Variants in NRG1 observed in about 807,000 individuals in gnomAD.
NRG1 encodes pro-neuregulin-1, membrane-bound isoform.
Under a neutral mutation model 63.8 loss-of-function variants are expected in NRG1, and 18 were observed. The ratio of observed to expected loss-of-function variants is 0.28; its 90% CI spans 0.19 to 0.42. The LOEUF (loss-of-function observed/expected upper bound fraction) is 0.42. Ranked by LOEUF, NRG1 falls within the 10% of genes least tolerant of loss-of-function variation. The pLI, the probability that NRG1 is intolerant of heterozygous loss-of-function variation, is 1.00. For missense variants in NRG1, 762 were observed against 814.7 expected (o/e 0.94, Z 0.79); for synonymous variants, 302 against 301.3 (o/e 1.00, Z -0.02).
chr8:32,130,595 T>C (rs576292598), intron 1 of NRG1, among the ~76,000 whole-genome samples: 2 of 151,932 alleles, frequency 1.3e-5, no homozygotes, highest in Non-Finnish European at 2.9e-5. Flanking sequence ...ATAAATTATC[T>C]TTCAGATTGG....
intron 1 of NRG1, among the ~76,000 whole-genome samples, chr8:31,958,025 G>A (rs1475840553): frequency 1.4e-5 from 2 of 143,748 alleles, no homozygotes; most frequent in African/African-American, 5.1e-5. Flanking sequence ...ATACCTATGT[G>A]CAAGGCATCA....
chr8:32,580,526 TATCTA>T (rs1395827128), intron 1 of NRG1, among the ~76,000 whole-genome samples: 1 of 152,214 alleles, frequency 6.6e-6, no homozygotes, highest in Non-Finnish European at 1.5e-5. Context: ...TGCAATATCT[TATCTA>T]ATCATTTTAG....
chr8:32,235,300 G>T (rs1847427335), intron 1 of NRG1, among the ~76,000 whole-genome samples: 1 of 151,184 alleles, frequency 6.6e-6, no homozygotes, highest in African/African-American at 2.4e-5. Flanking sequence ...TTGGGAGACT[G>T]AGGTGGGAGG....
intron 1 of NRG1, among the ~76,000 whole-genome samples, chr8:32,196,334 A>G (rs1215062555): frequency 6.6e-6 from 1 of 152,194 alleles, no homozygotes; most frequent in African/African-American, 2.4e-5. Context: ...GCAAGTATGT[A>G]GGGATAGGCT....
At chr8:32,183,664 T>A (rs1216319653) in intron 1 of NRG1, among the ~76,000 whole-genome samples, 1 of 152,208 alleles carries the variant, frequency 6.6e-6, no homozygotes, top group Non-Finnish European at 1.5e-5. Flanking sequence ...TTAATAAATT[T>A]GGTCTTCATT....
At chr8:32,644,954 C>T (rs964442920) in intron 5 of NRG1, among the ~76,000 whole-genome samples, 1 of 151,996 alleles carries the variant, frequency 6.6e-6, no homozygotes, top group Non-Finnish European at 1.5e-5. Flanking sequence ...CCACCTGAAC[C>T]CCATTTTGGT....
chr8:32,163,393 G>A (rs988488969), intron 1 of NRG1, among the ~76,000 whole-genome samples: 1 of 152,216 alleles, frequency 6.6e-6, no homozygotes, highest in Non-Finnish European at 1.5e-5. Context: ...CTCTCCAAGT[G>A]TGGGCAGACT....
At chr8:32,484,327 A>T (rs1481114355) in intron 1 of NRG1, among the ~76,000 whole-genome samples, 2 of 152,204 alleles carry the variant, frequency 1.3e-5, no homozygotes, top group Non-Finnish European at 2.9e-5. Context: ...ATAGACAATG[A>T]CAAGATACAT....
chr8:31,657,940 G>A (rs1473868949), intron 1 of NRG1, among the ~76,000 whole-genome samples: 1 of 152,162 alleles, frequency 6.6e-6, no homozygotes, highest in Admixed American at 6.5e-5. Context: ...ACTTGGGTGA[G>A]GTCCTTTTGC....
chr8:31,678,503 G>GT (rs894450246), intron 1 of NRG1, among the ~76,000 whole-genome samples: 4 of 151,752 alleles, frequency 2.6e-5, no homozygotes, highest in Admixed American at 2.6e-4. Flanking sequence ...ATGTGCTTTA[G>GT]TTTTTTCCTC....
intron 1 of NRG1, among the ~76,000 whole-genome samples, chr8:32,068,053 C>G (rs995928470): frequency 6.6e-6 from 1 of 152,146 alleles, no homozygotes; most frequent in Non-Finnish European, 1.5e-5. Flanking sequence ...TTGGGTTTCC[C>G]TCCCGTGCTG....
intron 5 of NRG1, chr8:32,647,478 A>G (rs1484368869): frequency 2.0e-6 from 2 of 985,304 alleles, no homozygotes; most frequent in East Asian, 2.3e-4. Context: ...TAAAAGAACT[A>G]GAAAAGTGGC....
intron 5 of NRG1, among the ~76,000 whole-genome samples, chr8:32,644,304 C>T (rs756038813): frequency 1.3e-5 from 2 of 152,090 alleles, no homozygotes; most frequent in Non-Finnish European, 2.9e-5. Context: ...TGGGGTGGAG[C>T]TTAAAGGGTT....
At chr8:32,407,301 TA>T (rs1231372661) in intron 1 of NRG1, among the ~76,000 whole-genome samples, 186 of 3,474 alleles carry the variant, frequency 0.054, 2 homozygotes, top group African/African-American at 0.075. Flanking sequence ...ATATTATATA[TA>T]TATATATATA....
At position 32,764,190 on chromosome 8, in the gene NRG1, A is replaced by G. The variant is rs1395641427; in HGVS notation, c.1702A>G (p.Ser568Gly). The change falls in exon 12 of 12, where the codon AGT (serine) becomes GGT (glycine). Residue 568 changes from serine (S) to glycine (G), a missense_variant. Ser to Gly is a moderately conservative substitution (Grantham distance 56). Around this residue, in one of 3 missense-constraint regions of NRG1, gnomAD observed 503 missense variants for 506.8 expected, o/e 0.99. Coordinates refer to ENST00000356819, the Ensembl canonical transcript of NRG1. ...GGACAGCAACACAAGCTCCCAGAGC[A>G]GTAACTCAGAGAGTGAAACAGAAGA... is the stretch of plus-strand genomic sequence containing the variant. 3.1e-6 allele frequency: 5 copies of G among 1,614,046 alleles called. No homozygotes were observed. The East Asian group carries it at 8.9e-5, about 29-fold the overall frequency.
chr8:32,675,930 A>G (rs967325821), intron 5 of NRG1, among the ~76,000 whole-genome samples: 5 of 152,220 alleles, frequency 3.3e-5, no homozygotes, highest in Non-Finnish European at 7.3e-5. Context: ...AGAAATTTCT[A>G]GCCATTCTCA....
At chr8:32,072,059 A>C (rs1825826459) in intron 1 of NRG1, among the ~76,000 whole-genome samples, 1 of 152,174 alleles carries the variant, frequency 6.6e-6, no homozygotes, top group Admixed American at 6.5e-5. Context: ...TTATGAAAAG[A>C]TATGCCACAT....
chr8:31,872,436 A>G (rs1829570893), intron 1 of NRG1, among the ~76,000 whole-genome samples: 1 of 152,184 alleles, frequency 6.6e-6, no homozygotes. Context: ...GCCTTGTTTC[A>G]AGAGTAGGTC....
chr8:31,880,850 T>C (rs1830296187), intron 1 of NRG1, among the ~76,000 whole-genome samples: 2 of 152,206 alleles, frequency 1.3e-5, no homozygotes, highest in Admixed American at 6.5e-5. Flanking sequence ...TATTTGTGTT[T>C]GACAGCATAA....
Sources: allele counts gnomAD v4.1 joint callset (sites outside exome capture counted in the v4.1 genomes callset), GRCh38; gene constraint gnomAD v4.1.1; regional missense constraint gnomAD v4.1.1; transcripts MANE v1.5; gene names NCBI Gene and HGNC (gene_info 2026-07-23, HGNC 2026-07-21).